HDAC9: variants seen among roughly 807,000 people sequenced by gnomAD.
HDAC9 encodes the protein histone deacetylase 9, also known as MEF-2 interacting transcription repressor (MITR) protein.
HDAC9 carries 41 observed loss-of-function variants against 139.4 expected under a neutral mutation model. That is an observed-to-expected ratio of 0.29 (90% confidence interval 0.23 to 0.38). The LOEUF is 0.38. Among genes scored for constraint, HDAC9 ranks in the 10% least tolerant of loss-of-function variants. The pLI is 1.00. For missense variants in HDAC9, 1,147 were observed against 1,297.0 expected, an observed-to-expected ratio of 0.88 and a Z score of 1.78; for synonymous variants, 517 against 476.2, an observed-to-expected ratio of 1.09 and a Z score of -1.12.
chr7:18,163,364 G>A (rs1399031594), intron 2 of HDAC9, among the ~76,000 whole-genome samples: 6 of 152,196 alleles, frequency 3.9e-5, no homozygotes, highest in African/African-American at 1.4e-4. Flanking sequence ...TAGGCAGATG[G>A]CAGTTACTTA....
chr7:18,714,668 A>T (rs1400437849), intron 12 of HDAC9, among the ~76,000 whole-genome samples: 1 of 152,036 alleles, frequency 6.6e-6, no homozygotes, highest in Non-Finnish European at 1.5e-5. Context: ...CTCATTCTTC[A>T]TCTCTTGGCT....
chr7:18,645,866 C>T (rs975925297), intron 9 of HDAC9, among the ~76,000 whole-genome samples: 17 of 152,080 alleles, frequency 1.1e-4, no homozygotes, highest in Non-Finnish European at 2.5e-4. Flanking sequence ...ATTTTAAAAT[C>T]AACCTAAGAG....
intron 25 of HDAC9, among the ~76,000 whole-genome samples, chr7:18,982,223 A>G (rs1785000745): frequency 6.6e-6 from 1 of 152,144 alleles, no homozygotes; most frequent in East Asian, 1.9e-4. Context: ...TAGTTTCCTT[A>G]CTGGTTTTCA....
At chr7:18,716,990 CTTTTTT>C (rs528916567) in intron 12 of HDAC9, among the ~76,000 whole-genome samples, 25 of 115,148 alleles carry the variant, frequency 2.2e-4, no homozygotes, top group African/African-American at 7.8e-4. Context: ...CTCGTTAGCA[CTTTTTT>C]TTTTTTTTTT....
In HDAC9 at chr7:18,676,897, G is replaced by C. The variant is rs986905247; in HGVS notation, c.1731+10421G>C. Reference sequence around the variant, plus strand: ...AATTTTTAATGTCCTGGGGTTTTTGGCATGCTGTTTAAATTAAAATTTTAA... The same window carrying C: ...AATTTTTAATGTCCTGGGGTTTTTGCCATGCTGTTTAAATTAAAATTTTAA... On this transcript the variant is annotated intron_variant, in intron 12 of 25. Transcript: ENST00000686413. 2.6e-5 allele frequency among the ~76,000 whole-genome samples: 4 copies of C among 151,748 alleles called. No individual in the cohort carries two copies. In the East Asian group the frequency reaches 5.8e-4, roughly 22 times the overall value.
At chr7:18,842,814 C>G (rs1454549987) in intron 21 of HDAC9, among the ~76,000 whole-genome samples, 9 of 152,024 alleles carry the variant, frequency 5.9e-5, no homozygotes, top group Admixed American at 5.9e-4. Context: ...TTATGCACAC[C>G]TGTCTTCCTA....
chr7:18,578,653 G>T (rs112260556), intron 2 of HDAC9, among the ~76,000 whole-genome samples: 1 of 152,178 alleles, frequency 6.6e-6, no homozygotes, highest in African/African-American at 2.4e-5. Flanking sequence ...AAGAAGTGGC[G>T]CTAGCATCCT....
At chr7:18,967,635 T>A (rs1349276255) in intron 24 of HDAC9, among the ~76,000 whole-genome samples, 1 of 152,138 alleles carries the variant, frequency 6.6e-6, no homozygotes, top group Non-Finnish European at 1.5e-5. Context: ...GAACATCTTA[T>A]AGAGCAGGAA....
At chr7:18,453,388 A>G (rs1284615993) in intron 1 of HDAC9, among the ~76,000 whole-genome samples, 1 of 152,230 alleles carries the variant, frequency 6.6e-6, no homozygotes, top group Admixed American at 6.5e-5. Flanking sequence ...AAGGACATAC[A>G]TTAATAGGCT....
intron 2 of HDAC9, among the ~76,000 whole-genome samples, chr7:18,516,439 C>T (rs945673826): frequency 6.6e-6 from 1 of 152,070 alleles, no homozygotes; most frequent in Admixed American, 6.6e-5. Flanking sequence ...GTCACCTTAC[C>T]GCCCTAGTCA....
chr7:18,262,000 AT>A (rs1795712145), intron 2 of HDAC9, among the ~76,000 whole-genome samples: 1 of 152,250 alleles, frequency 6.6e-6, no homozygotes, highest in Non-Finnish European at 1.5e-5. Flanking sequence ...TAGCAAAGAT[AT>A]ATCAAATCCC....
chr7:18,569,505 A>C (rs1823548519), intron 2 of HDAC9, among the ~76,000 whole-genome samples: 1 of 152,202 alleles, frequency 6.6e-6, no homozygotes, highest in Admixed American at 6.5e-5. Flanking sequence ...TATGGCTTCA[A>C]ATTACAGACT....
chr7:18,893,360 A>G (rs1166531211), intron 22 of HDAC9, among the ~76,000 whole-genome samples: 1 of 152,170 alleles, frequency 6.6e-6, no homozygotes, highest in Admixed American at 6.6e-5. Flanking sequence ...GCCTGGGGCA[A>G]TATTCAACCA....
At chr7:18,825,494 A>G (rs1795353009) in intron 17 of HDAC9, among the ~76,000 whole-genome samples, 1 of 152,124 alleles carries the variant, frequency 6.6e-6, no homozygotes, top group Non-Finnish European at 1.5e-5. Context: ...TGGAGTTAGT[A>G]GCATGGCGGC....
At chr7:18,105,748 GA>G (rs1783153643) in intron 1 of HDAC9, among the ~76,000 whole-genome samples, 1 of 151,824 alleles carries the variant, frequency 6.6e-6, no homozygotes, top group Non-Finnish European at 1.5e-5. Context: ...CAAAAGAATT[GA>G]AAACATATTT....
chr7:18,778,496 G>T lies in HDAC9; in HGVS notation c.2214+11341G>T, dbSNP rs191821883. Among the ~76,000 whole-genome samples, 13 of 152,044 alleles carry T rather than the reference G, an allele frequency of 8.6e-5. No homozygotes were observed. The East Asian group carries it at 2.3e-3, about 27-fold the overall frequency. ...CACTGTCCAGTGAATAAAAAGATTG[G>T]CATATTTTGAAGCACCCTTTACACA... is the stretch of plus-strand genomic sequence containing the variant. On this transcript the variant is annotated intron_variant, in intron 16 of 25. Transcript: ENST00000686413.
At chr7:18,940,307 C>G (rs1437832326) in intron 23 of HDAC9, among the ~76,000 whole-genome samples, 3 of 152,140 alleles carry the variant, frequency 2.0e-5, no homozygotes, top group Non-Finnish European at 4.4e-5. Context: ...CATCTCTTAA[C>G]TATTCTTTTC....
intron 21 of HDAC9, among the ~76,000 whole-genome samples, chr7:18,858,817 G>A (rs1258073222): frequency 6.6e-6 from 1 of 152,154 alleles, no homozygotes; most frequent in Admixed American, 6.6e-5. Flanking sequence ...ATTGACAGCA[G>A]TGTCTCATTT....
intron 25 of HDAC9, among the ~76,000 whole-genome samples, chr7:18,990,124 G>T (rs1489992663): frequency 1.3e-5 from 2 of 152,126 alleles, no homozygotes; most frequent in Non-Finnish European, 2.9e-5. Context: ...GAGGAGGAGA[G>T]GCACTCTGCG....
Sources: gnomAD v4.1 joint callset for allele counts (sites outside exome capture counted in the v4.1 genomes callset) on GRCh38, gnomAD v4.1.1 for gene constraint, MANE v1.5 for transcripts, NCBI Gene and HGNC (gene_info 2026-07-23, HGNC 2026-07-21) for gene names.